HHAT: variants seen among roughly 807,000 people sequenced by gnomAD.
The protein encoded by HHAT is protein-cysteine N-palmitoyltransferase HHAT.
HHAT carries 47 observed loss-of-function variants against 70.8 expected under a neutral mutation model. That is an observed-to-expected ratio of 0.66 (90% CI 0.53 to 0.85). HHAT has a LOEUF of 0.85. Among genes scored for constraint, HHAT ranks in the 40% least tolerant of loss-of-function variants. HHAT has a pLI of 0.00. For missense variants in HHAT, 609 were observed against 604.8 expected, an observed-to-expected ratio of 1.01 and a Z score of -0.07; for synonymous variants, 228 against 247.6, an observed-to-expected ratio of 0.92 and a Z score of 0.74.
At chr1:210,616,227 A>G (rs1667699286) in intron 10 of HHAT, among the ~76,000 whole-genome samples, 1 of 151,868 alleles carries the variant, frequency 6.6e-6, no homozygotes, top group Admixed American at 6.6e-5. Flanking sequence ...TTTCAAGAAT[A>G]TGACATATTG....
chr1:210,556,824 G>A (rs2095577228), intron 9 of HHAT, among the ~76,000 whole-genome samples: 1 of 152,218 alleles, frequency 6.6e-6, no homozygotes, highest in Non-Finnish European at 1.5e-5. Context: ...ATGAATGGGT[G>A]TGATTTTTTC....
At chr1:210,653,963 C>CA (rs377460216) in intron 11 of HHAT, among the ~76,000 whole-genome samples, 26 of 362 alleles carry the variant, frequency 0.072, no homozygotes, top group East Asian at 0.5. Context: ...AATAGTGTGA[C>CA]GGGAATAGTG....
intron 9 of HHAT, among the ~76,000 whole-genome samples, chr1:210,518,212 G>A (rs752155184): frequency 4.6e-5 from 7 of 152,152 alleles, no homozygotes; most frequent in Non-Finnish European, 1.0e-4. Flanking sequence ...TTGAAACTTT[G>A]TACCCCTTTG....
intron 9 of HHAT, among the ~76,000 whole-genome samples, chr1:210,551,846 T>C (rs763393292): frequency 1.3e-4 from 20 of 152,238 alleles, no homozygotes; most frequent in South Asian, 2.1e-4. Context: ...TTCTGTGATG[T>C]TGAAGTCTTG....
chr1:210,568,087 C>T (rs1476102928), intron 9 of HHAT, among the ~76,000 whole-genome samples: 1 of 152,180 alleles, frequency 6.6e-6, no homozygotes, highest in Non-Finnish European at 1.5e-5. Context: ...TCAGCCCCAT[C>T]CCTCAACCTC....
At position 210,418,150 on chromosome 1, in the gene HHAT, T is replaced by G; in HGVS notation, c.685-4T>G. The G allele has an allele frequency of 3.1e-6, 5 of 1,614,122 alleles. No homozygotes were observed. Among genetic ancestry groups the G allele is most frequent in the Non-Finnish European group, 3.4e-6 (4 of 1,179,984 alleles). On this transcript the variant is annotated splice_region_variant and splice_polypyrimidine_tract_variant and intron_variant, in intron 6 of 11. Transcript: ENST00000261458. Reference sequence around the variant, plus strand: ...TCGAATGACCTCTTTTGTTTCCACTTTAGATGCAGCAGCAGGAGCATGACT... The same window carrying G: ...TCGAATGACCTCTTTTGTTTCCACTGTAGATGCAGCAGCAGGAGCATGACT...
intron 6 of HHAT, among the ~76,000 whole-genome samples, chr1:210,415,390 T>C (rs2092690612): frequency 6.6e-6 from 1 of 152,162 alleles, no homozygotes. Flanking sequence ...CCATCCTCAG[T>C]TTATGCCCAG....
chr1:210,362,256 CT>C (rs200791411), intron 2 of HHAT, among the ~76,000 whole-genome samples: 1 of 114,356 alleles, frequency 8.7e-6, no homozygotes, highest in South Asian at 2.9e-4. Context: ...TTTTTCTTTT[CT>C]TTTTTGAGAT....
rs935154679 is a variant in HHAT, at chr1:210,623,739, T to C, written c.1390+69T>C. On this transcript the variant is annotated intron_variant, in intron 11 of 11. Coordinates refer to ENST00000261458, the MANE Select transcript of HHAT (RefSeq NM_018194.6). ...CCATGTATGCGGATGGGATCATACA[T>C]GGGATGGATGGGATTTGGGGGAAGT... 1.5e-5 allele frequency: 22 copies of C among 1,471,560 alleles called. No individual in the cohort carries two copies. In the African/African-American group the frequency reaches 2.7e-4, roughly 18 times the overall value. 91.2% of individuals were successfully genotyped at this position (1,471,560 alleles called of 1,614,324 possible).
chr1:210,333,763 T>C (rs935833721), intron 1 of HHAT, among the ~76,000 whole-genome samples: 9 of 152,042 alleles, frequency 5.9e-5, no homozygotes, highest in African/African-American at 1.7e-4. Flanking sequence ...GTTCAAGCAA[T>C]TCTCATGCCT....
intron 10 of HHAT, among the ~76,000 whole-genome samples, chr1:210,615,097 C>A (rs143805593): frequency 6.6e-6 from 1 of 152,152 alleles, no homozygotes. Flanking sequence ...TTTTAATGAT[C>A]GCCATTCTAA....
chr1:210,385,052 T>G (rs2090935391), intron 3 of HHAT, among the ~76,000 whole-genome samples: 1 of 152,184 alleles, frequency 6.6e-6, no homozygotes, highest in Non-Finnish European at 1.5e-5. Flanking sequence ...TGATGGGATT[T>G]TACCAGCAGA....
intron 11 of HHAT, among the ~76,000 whole-genome samples, chr1:210,633,116 C>T (rs548389199): frequency 2.0e-5 from 3 of 152,244 alleles, no homozygotes; most frequent in African/African-American, 7.2e-5. Context: ...GTTCTGGCTG[C>T]CCTAGGGAAT....
intron 8 of HHAT, among the ~76,000 whole-genome samples, chr1:210,505,276 A>G (rs1211308220): frequency 6.6e-6 from 1 of 152,146 alleles, no homozygotes; most frequent in Non-Finnish European, 1.5e-5. Flanking sequence ...ATATGGTGCC[A>G]GTTACTATGT....
chr1:210,526,631 C>T (rs115328940), intron 9 of HHAT, among the ~76,000 whole-genome samples: 216 of 152,124 alleles, frequency 1.4e-3, no homozygotes, highest in African/African-American at 4.9e-3. Context: ...TTGTGTGAGT[C>T]GCTTCTGTTT....
intron 8 of HHAT, among the ~76,000 whole-genome samples, chr1:210,491,221 A>G (rs982148161): frequency 3.3e-5 from 5 of 152,078 alleles, no homozygotes; most frequent in African/African-American, 4.8e-5. Context: ...TTGCAGGCCC[A>G]TCACCATCTC....
intron 7 of HHAT, among the ~76,000 whole-genome samples, chr1:210,432,955 C>A (rs2093287091): frequency 6.6e-6 from 1 of 151,782 alleles, no homozygotes; most frequent in Non-Finnish European, 1.5e-5. Context: ...TTTTTTTATT[C>A]TGTCACTTTT....
chr1:210,586,036 TA>T lies in HHAT; in HGVS notation c.1044-1859del, dbSNP rs768567629. ...CCTAGAGAGCTTAGAGGAGCTTGAC[TA>T]AAGTTTAGTCAAGGAGAGAGTCTTT... On this transcript the variant is annotated intron_variant, in intron 9 of 11. Transcript: ENST00000261458. Among the ~76,000 whole-genome samples, 19 of 152,340 alleles carry T rather than the reference TA, an allele frequency of 1.2e-4. No homozygotes were observed. In the South Asian group the frequency reaches 1.7e-3, roughly 13 times the overall value.
At position 210,479,296 on chromosome 1, in the gene HHAT, A is replaced by G. The variant is rs1446572023; in HGVS notation, c.1007+14641A>G. On this transcript the variant is annotated intron_variant, in intron 8 of 11. Coordinates refer to ENST00000261458, the MANE Select transcript of HHAT (RefSeq NM_018194.6). ...AAGGAGTATTTATTGAGCACCTACTATGGGCCAACCATTGACAAATGTATA... is the reference window on the plus strand; with the variant it reads ...AAGGAGTATTTATTGAGCACCTACTGTGGGCCAACCATTGACAAATGTATA... Among the ~76,000 whole-genome samples the G allele has an allele frequency of 2.6e-5, 4 of 152,244 alleles. No homozygotes were observed. The East Asian group carries it at 5.8e-4, about 22-fold the overall frequency.
Sources: gnomAD v4.1 joint callset for allele counts (sites outside exome capture counted in the v4.1 genomes callset) on GRCh38, gnomAD v4.1.1 for gene constraint, MANE v1.5 for transcripts, NCBI Gene and HGNC (gene_info 2026-07-23, HGNC 2026-07-21) for gene names.